Variants in NUP107 observed in about 807,000 individuals in gnomAD.
NUP107 encodes nucleoporin 107.
NUP107 carries 101 observed loss-of-function variants against 141.0 expected under a neutral mutation model. The ratio of observed to expected loss-of-function variants is 0.72; its 90% CI spans 0.61 to 0.84. The LOEUF is 0.84. Ranked by LOEUF, NUP107 falls within the 40% of genes least tolerant of loss-of-function variation. The pLI is 0.00. For synonymous variants in NUP107, 319 were observed against 363.9 expected, an observed-to-expected ratio of 0.88 and a Z score of 1.41; for missense variants, 941 against 1,102.7, an observed-to-expected ratio of 0.85 and a Z score of 2.08.
At chr12:68,732,811 C>CTACT in intron 23 of NUP107, 72 bp downstream of exon 23, 1 of 1,047,106 alleles carries the variant, frequency 9.6e-7, no homozygotes, top group Non-Finnish European at 1.4e-6. Flanking sequence ...TCCCAAGTAG[C>CTACT]TGGGACTACA....
chr12:68,737,547 T>G (rs1202847330), intron 26 of NUP107, among the ~76,000 whole-genome samples: 3 of 118,468 alleles, frequency 2.5e-5, no homozygotes, highest in Admixed American at 2.2e-4. Flanking sequence ...GGTGACAGAG[T>G]GAGACCCTGT....
At position 68,702,749 on chromosome 12, in the gene NUP107, T is replaced by C; in HGVS notation, c.694T>C (p.Ser232Pro). ...ATTTTTCCCCAGAGACAGAATACAG[T>C]CTGCATTAGAAGAGGAAAGTGTATT... The part of the protein sequence containing the change: ...LASLYRDRIQ[S>P]ALEEESVFAV... Residue 232 changes from serine to proline, a missense_variant, in exon 8 of 28, where the codon TCT becomes CCT. Physicochemically the swap from Ser to Pro is moderately conservative, Grantham distance 74. Coordinates refer to ENST00000229179, the MANE Select transcript of NUP107 (RefSeq NM_020401.4). 6.5e-7 allele frequency: 1 copy of C among 1,548,100 alleles called. No homozygotes were observed.
chr12:68,719,479 CT>C, intron 13 of NUP107, 48 bp downstream of exon 13: 1 of 1,552,786 alleles, frequency 6.4e-7, no homozygotes, highest in Admixed American at 1.7e-5. Context: ...AGGCATTTCG[CT>C]CTAAATGCCA....
chr12:68,705,634 A>G (rs1421768882), intron 8 of NUP107: 18 of 541,334 alleles, frequency 3.3e-5, no homozygotes, highest in South Asian at 1.4e-4. Context: ...TGCCTCCACC[A>G]TGTCCATCAG....
At chr12:68,707,970 C>T (rs557629027) in intron 8 of NUP107, among the ~76,000 whole-genome samples, 1 of 152,028 alleles carries the variant, frequency 6.6e-6, no homozygotes, top group South Asian at 2.1e-4. Flanking sequence ...GTGGCAGGCA[C>T]CTCCCTTCTT....
chr12:68,727,296 T>G (rs917572231), intron 19 of NUP107, 55 bp from the exon 20 acceptor site: 1 of 857,820 alleles, frequency 1.2e-6, no homozygotes, highest in African/African-American at 1.7e-5. Context: ...ATCAAAAATT[T>G]TGTTACTTTC....
At chr12:68,733,968 A>G (rs1877957499) in intron 24 of NUP107, among the ~76,000 whole-genome samples, 1 of 152,194 alleles carries the variant, frequency 6.6e-6, no homozygotes, top group Non-Finnish European at 1.5e-5. Flanking sequence ...ATAGCAGCAT[A>G]CTCATTCAAA....
intron 8 of NUP107, chr12:68,706,522 A>G: frequency 1.5e-6 from 1 of 679,890 alleles, no homozygotes; most frequent in South Asian, 1.6e-5. Flanking sequence ...GAAGCATGGG[A>G]TGACCCGTGG....
rs1042418166 is a variant in NUP107 at position 68,702,784 on chromosome 12, T to A, written c.729T>A (p.Thr243=). The A allele has an allele frequency of 6.0e-6, 9 of 1,503,648 alleles. No homozygotes were observed. Among genetic ancestry groups the A allele is most frequent in the Middle Eastern group, 1.8e-4 (1 of 5,438 alleles). The allele number at this position is 1,503,648 out of a possible 1,614,324, so 93.1% of individuals were successfully genotyped here. A position where few individuals can be genotyped will look rare whatever the true frequency, so the allele number is the denominator to read the frequency against. Residue 243 remains threonine, a splice_region_variant and synonymous_variant, in exon 8 of 28, where the codon ACT becomes ACA. Transcript: ENST00000229179. ...ALEEESVFAV[T]AVNASEKTVV... ...AAGAGGAAAGTGTATTCGCAGTTAC[T>A]GTAAGTTTTATATTAATTTTTTCTT...
chr12:68,732,174 G>C (rs1877858752), intron 22 of NUP107, among the ~76,000 whole-genome samples: 1 of 152,140 alleles, frequency 6.6e-6, no homozygotes, highest in South Asian at 2.1e-4. Context: ...GTCTAGCTCT[G>C]TTACCAAGGC....
At chr12:68,702,365 TC>T (rs1876372277) in intron 7 of NUP107, among the ~76,000 whole-genome samples, 1 of 152,156 alleles carries the variant, frequency 6.6e-6, no homozygotes, top group Non-Finnish European at 1.5e-5. Flanking sequence ...CCTCAGGTGA[TC>T]CACCCACCTC....
intron 4 of NUP107, among the ~76,000 whole-genome samples, 179 bp from the exon 5 acceptor site, chr12:68,691,789 G>A (rs905042757): frequency 4.0e-5 from 6 of 150,976 alleles, no homozygotes; most frequent in African/African-American, 1.2e-4. Context: ...AGCCATGATC[G>A]TGCCACTGAA....
At chr12:68,734,036 C>T (rs1877960970) in intron 24 of NUP107, among the ~76,000 whole-genome samples, 1 of 152,140 alleles carries the variant, frequency 6.6e-6, no homozygotes, top group Non-Finnish European at 1.5e-5. Context: ...TTCGGGATGC[C>T]AAGGCAGAAG....
rs1249155025 is a variant in NUP107 at position 68,709,247 on chromosome 12, GC to G, written c.741del (p.Ser248ValfsTer23). 9.4e-6 allele frequency: 15 copies of G among 1,594,774 alleles called. No homozygotes were observed. The highest frequency in any genetic ancestry group is 1.7e-6 in the Non-Finnish European group (2 of 1,168,740). On this transcript the variant is annotated frameshift_variant, in exon 9 of 28. Coordinates refer to ENST00000229179, the MANE Select transcript of NUP107 (RefSeq NM_020401.4). LOFTEE classifies it high-confidence loss of function. ...ESVFAVTAVN[A>X]SEKTVVEALF... The stretch of plus-strand genomic sequence containing the variant: ...ATATTTTTCATAATAGGCTGTTAAT[GC>G]CAGTGAAAAAACAGTTGTGGAAGCG...
Position 68,713,850 on chromosome 12 carries a change from G to A in NUP107, c.969+42G>A, listed in dbSNP as rs573998118. On this transcript the variant is annotated intron_variant, in intron 11 of 27. Coordinates refer to ENST00000229179, the MANE Select transcript of NUP107 (RefSeq NM_020401.4). ...ATGAAAGTTGCCTTCAAAGTTAACT[G>A]ATTTTTTTTTTCAGGCTGAGAATTT... 7.4e-5 allele frequency: 112 copies of A among 1,506,372 alleles called. No individual in the cohort carries two copies. In the South Asian group the frequency reaches 1.3e-3, roughly 17 times the overall value. The allele number at this position is 1,506,372 out of a possible 1,614,324, so 93.3% of individuals were successfully genotyped here.
At position 68,692,078 on chromosome 12, in the gene NUP107, T is replaced by TAACTATCAC; in HGVS notation, c.414_415insAACTATCAC (p.Ala138_Val139insAsnTyrHis). ...TAACAGAAGATGTAACTATCAGTGC[T>TAACTATCAC]GTTATGTTACGTGAGGATGATCCTG... On this transcript the variant is annotated inframe_insertion, in exon 5 of 28. Transcript: ENST00000229179. The TAACTATCAC allele has an allele frequency of 1.2e-6, 2 of 1,609,424 alleles. No individual in the cohort carries two copies. Among genetic ancestry groups the TAACTATCAC allele is most frequent in the Admixed American group, 3.4e-5 (2 of 58,866 alleles).
At chr12:68,687,571 A>G (rs1386098050) in intron 1 of NUP107, 7 of 988,764 alleles carry the variant, frequency 7.1e-6, no homozygotes, top group African/African-American at 3.5e-5. Context: ...TGTAATGGAG[A>G]CAACCAAGCA....
At position 68,743,887 on chromosome 12, in the gene NUP107, ATT is replaced by A. The variant is rs1878415094; in HGVS notation, c.*1429_*1430del. On this transcript the variant is annotated 3_prime_UTR_variant, in exon 28 of 28. Transcript: ENST00000229179. ...CTTTATTCTTACTAATATGCAAATG[ATT>A]TTTACAGCTCATGCAGTCCTGTAAT... The A allele has an allele frequency of 6.6e-6, 1 of 152,188 alleles. No individual in the cohort carries two copies. Among genetic ancestry groups the A allele is most frequent in the South Asian group, 2.1e-4 (1 of 4,826 alleles). The allele number at this position is 152,188 out of a possible 1,614,324, so 9.4% of individuals were successfully genotyped here.
rs1380409671 is a variant in NUP107 at position 68,742,244 on chromosome 12, C to G, written c.2671-111C>G. 49 of 699,900 alleles carry G rather than the reference C, an allele frequency of 7.0e-5. 1 individual carries two copies. In the South Asian group the frequency reaches 9.1e-4, roughly 13 times the overall value. The allele number at this position is 699,900 out of a possible 1,614,324, so 43.4% of individuals were successfully genotyped here. ...TTTACTAGGCTCTGGCTACATAAAT[C>G]TTAAAGAGGCATTTCTTCTTATATG... is the stretch of plus-strand genomic sequence containing the variant. On this transcript the variant is annotated intron_variant, in intron 27 of 27. Transcript: ENST00000229179.
Sources: gnomAD v4.1 joint callset for allele counts (sites outside exome capture counted in the v4.1 genomes callset) on GRCh38, gnomAD v4.1.1 for gene constraint, MANE v1.5 for transcripts, NCBI Gene and HGNC (gene_info 2026-07-23, HGNC 2026-07-21) for gene names.